The following CFAP73 variants were observed in gnomAD, a reference collection of about 807,000 sequenced individuals.
The protein encoded by CFAP73 is cilia- and flagella-associated protein 73.
CFAP73 carries 33 observed loss-of-function variants against 42.9 expected under a neutral mutation model. The ratio of observed to expected loss-of-function variants is 0.77; its 90% CI spans 0.58 to 1.03. The LOEUF (loss-of-function observed/expected upper bound fraction) is 1.03. CFAP73 is among the 50% of genes least tolerant of loss of function. CFAP73 has a pLI of 0.00. For synonymous variants in CFAP73, 162 were observed against 186.8 expected (o/e 0.87, Z 1.08); for missense variants, 392 against 411.9 (o/e 0.95, Z 0.42).
chr12:113,152,949 G>T, intron 3 of CFAP73, 62 bp downstream of exon 3: 1 of 1,147,318 alleles, frequency 8.7e-7, no homozygotes, highest in Non-Finnish European at 1.3e-6. Flanking sequence ...CTCCTATAGG[G>T]GCCCGGCAGG....
intron 2 of CFAP73, 111 bp from the exon 3 acceptor site, chr12:113,152,672 G>C: frequency 1.3e-6 from 1 of 742,216 alleles, no homozygotes; most frequent in Non-Finnish European, 2.3e-6. Flanking sequence ...GGTTGAGCAG[G>C]GAGCAGCCAC....
intron 2 of CFAP73, 33 bp downstream of exon 2, chr12:113,152,056 C>G: frequency 6.8e-7 from 1 of 1,477,320 alleles, no homozygotes; most frequent in Non-Finnish European, 9.3e-7. Context: ...AGGTGGTGAG[C>G]TGGTGGATGG....
At position 113,157,581 on chromosome 12, in the gene CFAP73, CTTCGTGCTGGGCCCCCCCAGGTGAAGCTG is replaced by C. The variant is rs1252894578; in HGVS notation, c.850-17_861del. 1.9e-6 allele frequency: 3 copies of C among 1,550,690 alleles called. No homozygotes were observed. The highest frequency in any genetic ancestry group is 1.7e-4 in the Middle Eastern group (1 of 5,992). On this transcript the variant is annotated splice_acceptor_variant and splice_polypyrimidine_tract_variant and coding_sequence_variant and intron_variant, in exon 7 of 8. Coordinates refer to ENST00000335621, the MANE Select transcript of CFAP73 (RefSeq NM_001144872.3). LOFTEE classifies it high-confidence loss of function. Reference sequence around the variant, plus strand: ...CAGTGACTCTGGGGCTGGGATGTGACTTCGTGCTGGGCCCCCCCAGGTGAAGCTGTTCATGCAGGACCTCTCTGCCATGC... The same window carrying C: ...CAGTGACTCTGGGGCTGGGATGTGACTTCATGCAGGACCTCTCTGCCATGC...
intron 1 of CFAP73, among the ~76,000 whole-genome samples, chr12:113,150,118 C>A (rs1461937765): frequency 6.6e-6 from 1 of 152,124 alleles, no homozygotes; most frequent in African/African-American, 2.4e-5. Flanking sequence ...GATCCCCCAC[C>A]CCTAGCTGAC....
rs1952075933 is a variant in CFAP73 at position 113,152,810 on chromosome 12, A to AAACAGCGTTGGG, written c.197_208dup (p.Arg66_Gln69dup). On this transcript the variant is annotated inframe_insertion, in exon 3 of 8. Coordinates refer to ENST00000335621, the MANE Select transcript of CFAP73 (RefSeq NM_001144872.3). The stretch of plus-strand genomic sequence containing the variant: ...GTTCCGCACCAAGACGGCAGCCCTG[A>AAACAGCGTTGGG]AACAGCGTTGGGAACAGCTGGAACA... The AAACAGCGTTGGG allele has an allele frequency of 6.4e-7, 1 of 1,551,538 alleles. No homozygotes were observed. Among genetic ancestry groups the AAACAGCGTTGGG allele is most frequent in the South Asian group, 1.2e-5 (1 of 84,054 alleles).
chr12:113,155,421 G>C lies in CFAP73; in HGVS notation c.849+3G>C. ...ACACGGAGGGACAGCTAGAGCACGTGAGGACCCCTCTTTATGGCACCTCCA... is the reference window on the plus strand; with the variant it reads ...ACACGGAGGGACAGCTAGAGCACGTCAGGACCCCTCTTTATGGCACCTCCA... On this transcript the variant is annotated splice_donor_region_variant and intron_variant, in intron 6 of 7. Coordinates refer to ENST00000335621, the MANE Select transcript of CFAP73 (RefSeq NM_001144872.3). The C allele has an allele frequency of 6.5e-7, 1 of 1,542,198 alleles. No individual in the cohort carries two copies. Among genetic ancestry groups the C allele is most frequent in the Non-Finnish European group, 8.8e-7 (1 of 1,140,876 alleles).
chr12:113,154,297 T>G lies in CFAP73; in HGVS notation c.469-117T>G. On this transcript the variant is annotated intron_variant, in intron 4 of 7. Coordinates refer to ENST00000335621, the MANE Select transcript of CFAP73 (RefSeq NM_001144872.3). The surrounding 1 kb of genome is among the most constrained non-coding windows in gnomAD (Gnocchi z 4.7). ...TGTCTCTAACAAATGGAGGTTGACATTTAAGTCACTTTCCAGAAAGATTAT... is the reference window on the plus strand; with the variant it reads ...TGTCTCTAACAAATGGAGGTTGACAGTTAAGTCACTTTCCAGAAAGATTAT... The G allele has an allele frequency of 4.7e-6, 6 of 1,271,814 alleles. No individual in the cohort carries two copies. Among genetic ancestry groups the G allele is most frequent in the Non-Finnish European group, 6.6e-6 (6 of 915,626 alleles). 78.8% of individuals were successfully genotyped at this position (1,271,814 alleles called of 1,614,324 possible).
intron 6 of CFAP73, 48 bp from the exon 7 acceptor site, chr12:113,157,554 G>A: frequency 6.6e-7 from 1 of 1,510,358 alleles, no homozygotes; most frequent in Non-Finnish European, 9.0e-7. Context: ...GTGGGGGCTG[G>A]ACAGTGACTC....
At chr12:113,153,493 T>C in intron 4 of CFAP73, 85 bp downstream of exon 4, 3 of 1,125,782 alleles carry the variant, frequency 2.7e-6, no homozygotes, top group Non-Finnish European at 3.5e-6. Flanking sequence ...GGCGAACTAC[T>C]GGTTCGCTGA....
chr12:113,158,745 T>C lies in CFAP73; in HGVS notation c.*56T>C. On this transcript the variant is annotated 3_prime_UTR_variant, in exon 8 of 8. Coordinates refer to ENST00000335621, the MANE Select transcript of CFAP73 (RefSeq NM_001144872.3). This position sits in a 1 kb window ranked among gnomAD's most constrained non-coding sequence, Gnocchi z 4.9. ...TTCTGTGGCCATACAGTGCTCCTTT[T>C]CACAGATGATGGCTCCTGCAGGGAG... 2 of 1,031,876 alleles carry C rather than the reference T, an allele frequency of 1.9e-6. No homozygotes were observed. Among genetic ancestry groups the C allele is most frequent in the South Asian group, 3.6e-5 (2 of 54,916 alleles). The allele number at this position is 1,031,876 out of a possible 1,614,324, so 63.9% of individuals were successfully genotyped here.
intron 1 of CFAP73, 91 bp from the exon 2 acceptor site, chr12:113,151,827 G>C (rs184867894): frequency 1.3e-6 from 1 of 784,952 alleles, no homozygotes; most frequent in East Asian, 2.8e-5. Context: ...CAGCCAGCAG[G>C]TGGCTAATGG....
At chr12:113,153,108 C>T in intron 3 of CFAP73, 100 bp from the exon 4 acceptor site, 2 of 1,293,154 alleles carry the variant, frequency 1.5e-6, no homozygotes, top group Non-Finnish European at 2.1e-6. Flanking sequence ...TGCTGGCCGC[C>T]CCTGGTTTTG....
In CFAP73 at chr12:113,151,970, G is replaced by C. The variant is rs1168774472; in HGVS notation, c.109G>C (p.Glu37Gln). 28 of 1,551,496 alleles carry C rather than the reference G, an allele frequency of 1.8e-5. No individual in the cohort carries two copies. Among genetic ancestry groups the C allele is most frequent in the Non-Finnish European group, 1.7e-5 (19 of 1,146,980 alleles). Reference sequence around the variant, plus strand: ...TGTCCCACCAGTACTGCGTCTCCTGGAGAAGAGGCAAGAGCTGGTAGATGC... The same window carrying C: ...TGTCCCACCAGTACTGCGTCTCCTGCAGAAGAGGCAAGAGCTGGTAGATGC... ...DHVPPVLRLL[E>Q]KRQELVDADQ... is the part of the protein sequence containing the mutation. Residue 37 changes from glutamate (E) to glutamine (Q), a missense_variant, in exon 2 of 8, where the codon GAG (glutamate) becomes CAG (glutamine). Physicochemically the swap from Glu to Gln is conservative, Grantham distance 29. Coordinates refer to ENST00000335621, the MANE Select transcript of CFAP73 (RefSeq NM_001144872.3).
chr12:113,153,437 C>T lies in CFAP73; in HGVS notation c.468+29C>T, dbSNP rs1362698710. On this transcript the variant is annotated intron_variant, in intron 4 of 7. Coordinates refer to ENST00000335621, the MANE Select transcript of CFAP73 (RefSeq NM_001144872.3). The stretch of plus-strand genomic sequence containing the variant: ...AGTCCGGGGCAGGAGGCTGGGAGCT[C>T]GGCGCCACCGCGTGGCGCTGAGTGG... 4.3e-6 allele frequency: 6 copies of T among 1,384,060 alleles called. No homozygotes were observed. In the African/African-American group the frequency reaches 6.1e-5, roughly 14 times the overall value. The allele number at this position is 1,384,060 out of a possible 1,614,324, so 85.7% of individuals were successfully genotyped here.
chr12:113,149,924 C>G lies in CFAP73; in HGVS notation c.56+11C>G, dbSNP rs1952047477. 6.5e-7 allele frequency: 1 copy of G among 1,549,428 alleles called. No homozygotes were observed. The highest frequency in any genetic ancestry group is 8.7e-7 in the Non-Finnish European group (1 of 1,145,312). ...AGAGAAACTGTCTACGTGAGTGGGA[C>G]GTAGAGGGAGGGAGGGCTAGAAGGA... On this transcript the variant is annotated intron_variant, in intron 1 of 7. Coordinates refer to ENST00000335621, the MANE Select transcript of CFAP73 (RefSeq NM_001144872.3).
intron 6 of CFAP73, 196 bp from the exon 7 acceptor site, chr12:113,157,406 G>A (rs1172073554): frequency 6.8e-6 from 4 of 592,090 alleles, no homozygotes; most frequent in South Asian, 6.2e-5. Flanking sequence ...AGTTGGGAAG[G>A]TTGGCCTGAG....
At position 113,154,719 on chromosome 12, in the gene CFAP73, C is replaced by A. The variant is rs1952101060; in HGVS notation, c.690+84C>A. On this transcript the variant is annotated intron_variant, in intron 5 of 7. Transcript: ENST00000335621. The surrounding 1 kb of genome is among the most constrained non-coding windows in gnomAD (Gnocchi z 4.7). ...GAGGAACGCCAGGGCTGATGAGGAC[C>A]GATGGGGCAATGCTTACCCCAGAGG... 1 of 1,367,552 alleles carries A rather than the reference C, an allele frequency of 7.3e-7. No homozygotes were observed. Among genetic ancestry groups the A allele is most frequent in the Non-Finnish European group, 9.4e-7 (1 of 1,068,596 alleles). 84.7% of individuals were successfully genotyped at this position (1,367,552 alleles called of 1,614,324 possible). A position where few individuals can be genotyped will look rare whatever the true frequency, so the allele number is the denominator to read the frequency against.
chr12:113,149,725 G>A lies in CFAP73; in HGVS notation c.-133G>A, dbSNP rs1952045645. On this transcript the variant is annotated 5_prime_UTR_variant, in exon 1 of 8. Transcript: ENST00000335621. The stretch of plus-strand genomic sequence containing the variant: ...TGTGTGGTCGGTTGCCAGGCAACCA[G>A]AGCCTGCTGGTGGCTGCCTTCTGGG... 6.1e-6 allele frequency: 5 copies of A among 822,836 alleles called. No individual in the cohort carries two copies. The highest frequency in any genetic ancestry group is 3.0e-4 in the Middle Eastern group (1 of 3,330). 51.0% of individuals were successfully genotyped at this position (822,836 alleles called of 1,614,324 possible). A position where few individuals can be genotyped will look rare whatever the true frequency, so the allele number is the denominator to read the frequency against.
chr12:113,155,929 CTTT>C (rs200795985), intron 6 of CFAP73, among the ~76,000 whole-genome samples: 25 of 136,426 alleles, frequency 1.8e-4, no homozygotes, highest in South Asian at 1.4e-3. Context: ...GTGCCATAGG[CTTT>C]TTTTTTTTTT....
Sources: gnomAD v4.1 joint callset for allele counts (sites outside exome capture counted in the v4.1 genomes callset) on GRCh38, gnomAD v4.1.1 for gene constraint, Gnocchi (gnomAD v3.1) non-coding constraint, MANE v1.5 for transcripts, NCBI Gene and HGNC (gene_info 2026-07-23, HGNC 2026-07-21) for gene names.